ZNF382: variants seen among roughly 807,000 people sequenced by gnomAD.
ZNF382 encodes KRAB/zinc finger suppressor protein 1.
A neutral mutation model predicts 38.8 loss-of-function variants in ZNF382; 20 were observed. The ratio of observed to expected loss-of-function variants is 0.51; its 90% CI spans 0.36 to 0.75. The LOEUF (loss-of-function observed/expected upper bound fraction) is 0.75, where lower values mean the gene tolerates loss of function less well. ZNF382 is among the 30% of genes least tolerant of loss of function. The probability of loss-of-function intolerance (pLI) is 0.00; values close to 1 mark genes in which losing one functional copy is unlikely to be tolerated. For missense variants in ZNF382, 546 were observed against 654.1 expected (o/e 0.83, Z 1.80); for synonymous variants, 202 against 223.1 (o/e 0.91, Z 0.84).
At chr19:36,618,162 C>T (rs1381013269) in intron 4 of ZNF382, among the ~76,000 whole-genome samples, 3 of 152,118 alleles carry the variant, frequency 2.0e-5, no homozygotes, top group Non-Finnish European at 4.4e-5. Flanking sequence ...AAGGGACTGC[C>T]CCATATTGGT....
Position 36,626,989 on chromosome 19 carries a change from G to A in ZNF382, c.1092G>A (p.Lys364=), listed in dbSNP as rs781469678. 6.2e-7 allele frequency: 1 copy of A among 1,614,148 alleles called. No homozygotes were observed. The change falls in exon 5 of 5, where the codon AAG becomes AAA. Residue 364 remains lysine (K), a synonymous_variant. Transcript: ENST00000292928. ...ATTGTGGGAAGTCCTTCCGCCAGAAGGCCACCCTCACTAGACATCACAAAA... is the reference window on the plus strand; with the variant it reads ...ATTGTGGGAAGTCCTTCCGCCAGAAAGCCACCCTCACTAGACATCACAAAA... ...CIDCGKSFRQ[K]ATLTRHHKTH...
Position 36,626,721 on chromosome 19 carries a change from A to G in ZNF382, c.824A>G (p.Lys275Arg), listed in dbSNP as rs868861423. The change falls in exon 5 of 5, where the codon AAA becomes AGA. Residue 275 changes from lysine (K) to arginine (R), a missense_variant. By Grantham distance (26) the Lys-to-Arg change is conservative. Coordinates refer to ENST00000292928, the MANE Select transcript of ZNF382 (RefSeq NM_032825.5). ...CCCTCTGCCTACAACAAATATGGGA[A>G]ATTCCTCTGCAGAAAGCCTGTTTTT... ...KKPSAYNKYG[K>R]FLCRKPVFIM... The G allele has an allele frequency of 1.2e-6, 2 of 1,614,122 alleles. No homozygotes were observed. The highest frequency in any genetic ancestry group is 1.3e-5 in the African/African-American group (1 of 75,052).
At chr19:36,610,088 A>C in intron 3 of ZNF382, 35 bp downstream of exon 3, 1 of 1,605,872 alleles carries the variant, frequency 6.2e-7, no homozygotes, top group Non-Finnish European at 8.5e-7. Flanking sequence ...ACTGTCATGC[A>C]TCTCCTTCTA....
At chr19:36,609,713 G>A (rs2037061858) in intron 2 of ZNF382, 189 bp from the exon 3 acceptor site, 1 of 517,412 alleles carries the variant, frequency 1.9e-6, no homozygotes, top group South Asian at 3.8e-5. Context: ...CAGGCAACCA[G>A]TCACATTCAG....
chr19:36,626,105 C>A, intron 4 of ZNF382, 25 bp from the exon 5 acceptor site: 1 of 1,480,454 alleles, frequency 6.8e-7, no homozygotes, highest in Non-Finnish European at 9.0e-7. Flanking sequence ...TGAAGACTCA[C>A]AGTGTTAATG....
chr19:36,610,116 T>C (rs1343285943), intron 3 of ZNF382, 63 bp downstream of exon 3: 5 of 1,577,028 alleles, frequency 3.2e-6, no homozygotes, highest in African/African-American at 2.7e-5. Flanking sequence ...CTGAAACATA[T>C]AGGACTTTGA....
chr19:36,627,442 A>C lies in ZNF382; in HGVS notation c.1545A>C (p.Thr515=), dbSNP rs1185175528. 1 of 1,614,192 alleles carries C rather than the reference A, an allele frequency of 6.2e-7. No individual in the cohort carries two copies. Among genetic ancestry groups the C allele is most frequent in the Non-Finnish European group, 8.5e-7 (1 of 1,180,018 alleles). Residue 515 remains threonine (T), a synonymous_variant, in exon 5 of 5, where the codon ACA becomes ACC. Coordinates refer to ENST00000292928, the MANE Select transcript of ZNF382 (RefSeq NM_032825.5). ...TCATTCGCCATCAGAAAACTCACAC[A>C]GGCGAGAAACCATATGAATGTAAAC... ...SNLIRHQKTH[T]GEKPYECKQC...
Position 36,627,354 on chromosome 19 carries a change from A to G in ZNF382, c.1457A>G (p.His486Arg). ...KAILTVHHRI[H>R]TGEKSNGCPQ... ...ATCCTCACTGTTCATCACAGAATAC[A>G]TACAGGAGAAAAATCCAATGGGTGT... Residue 486 changes from histidine (H) to arginine (R), a missense_variant, in exon 5 of 5, where the codon CAT (histidine) becomes CGT (arginine). Transcript: ENST00000292928. 1 of 1,614,224 alleles carries G rather than the reference A, an allele frequency of 6.2e-7. No homozygotes were observed. Among genetic ancestry groups the G allele is most frequent in the Non-Finnish European group, 8.5e-7 (1 of 1,180,034 alleles).
intron 4 of ZNF382, among the ~76,000 whole-genome samples, chr19:36,624,870 G>A (rs2037197250): frequency 6.6e-6 from 1 of 150,728 alleles, no homozygotes; most frequent in Non-Finnish European, 1.5e-5. Context: ...TTCGCGACCA[G>A]CCTGGGCAAC....
intron 4 of ZNF382, among the ~76,000 whole-genome samples, chr19:36,620,683 T>G (rs2037161975): frequency 6.6e-6 from 1 of 152,220 alleles, no homozygotes; most frequent in Admixed American, 6.5e-5. Context: ...AATTGTCCTA[T>G]CCTTTTTGGT....
At chr19:36,621,429 T>G (rs905742207) in intron 4 of ZNF382, among the ~76,000 whole-genome samples, 3 of 150,842 alleles carry the variant, frequency 2.0e-5, no homozygotes, top group Non-Finnish European at 4.4e-5. Flanking sequence ...GGTGACAGGA[T>G]CATACCCGAT....
chr19:36,614,914 C>CTTTCCTTTCCTTTCCTTCCCTTCCCT (rs752527955), intron 4 of ZNF382, among the ~76,000 whole-genome samples: 1 of 90,788 alleles, frequency 1.1e-5, no homozygotes, highest in African/African-American at 4.7e-5. Flanking sequence ...CTTTCCTTTC[C>CTTTCCTTTCCTTTCCTTCCCTTCCCT]TTCCCTTTCC....
chr19:36,614,914 C>CTTTCCTTTCCTTCCCTTTCCGTTTCCCT (rs752527955), intron 4 of ZNF382, among the ~76,000 whole-genome samples: 1 of 90,786 alleles, frequency 1.1e-5, no homozygotes, highest in Non-Finnish European at 2.2e-5. Flanking sequence ...CTTTCCTTTC[C>CTTTCCTTTCCTTCCCTTTCCGTTTCCCT]TTCCCTTTCC....
At position 36,610,036 on chromosome 19, in the gene ZNF382, G is replaced by A; in HGVS notation, c.122G>A (p.Cys41Tyr). Residue 41 changes from cysteine (C) to tyrosine (Y), a missense_variant, in exon 3 of 5, where the codon TGC (cysteine) becomes TAC (tyrosine). Coordinates refer to ENST00000292928, the MANE Select transcript of ZNF382 (RefSeq NM_032825.5). ...AGGGATGTGATGTTGGAAAACTATT[G>A]CCACTTCGTATCTGTGGGTAAGAAA... ...LYRDVMLENY[C>Y]HFVSVGFHMA... 6.2e-7 allele frequency: 1 copy of A among 1,613,464 alleles called. No homozygotes were observed. Among genetic ancestry groups the A allele is most frequent in the Non-Finnish European group, 8.5e-7 (1 of 1,179,832 alleles).
rs2037250850 is a variant in ZNF382 at position 36,631,026 on chromosome 19, C to T, written c.*3476C>T. The T allele has an allele frequency of 6.6e-6, 1 of 152,118 alleles. No individual in the cohort carries two copies. The highest frequency in any genetic ancestry group is 2.1e-4 in the South Asian group (1 of 4,824). The allele number at this position is 152,118 out of a possible 1,614,324, so 9.4% of individuals were successfully genotyped here. A position where few individuals can be genotyped will look rare whatever the true frequency, so the allele number is the denominator to read the frequency against. Reference sequence around the variant, plus strand: ...TATTGAACTCCTGGCCTCAAGCAATCTTCCCTCTTCGGCCTCCTAAAATGC... The same window carrying T: ...TATTGAACTCCTGGCCTCAAGCAATTTTCCCTCTTCGGCCTCCTAAAATGC... On this transcript the variant is annotated 3_prime_UTR_variant, in exon 5 of 5. Coordinates refer to ENST00000292928, the MANE Select transcript of ZNF382 (RefSeq NM_032825.5).
intron 4 of ZNF382, among the ~76,000 whole-genome samples, chr19:36,625,874 A>G (rs978388828): frequency 1.3e-5 from 2 of 152,064 alleles, no homozygotes; most frequent in African/African-American, 2.4e-5. Flanking sequence ...TGTGTTTCCT[A>G]TACCTTCTCA....
intron 1 of ZNF382, chr19:36,605,664 T>C (rs2967429): frequency 0.86 from 131,173 of 152,154 alleles, 57,302 homozygotes; most frequent in Non-Finnish European, 0.9. Context: ...GCGGGCGCTG[T>C]GTGTTCGCGC....
At chr19:36,606,314 T>A (rs964349599) in intron 1 of ZNF382, among the ~76,000 whole-genome samples, 5,742 of 27,676 alleles carry the variant, frequency 0.21, 364 homozygotes, top group African/African-American at 0.42. Flanking sequence ...GCAGGAAATT[T>A]TTTTTTTTTT....
At chr19:36,614,536 C>G (rs754068748) in intron 4 of ZNF382, among the ~76,000 whole-genome samples, 10 of 152,202 alleles carry the variant, frequency 6.6e-5, no homozygotes, top group Non-Finnish European at 1.3e-4. Context: ...GTTAGCTTCT[C>G]TAATTCCTGA....
Sources: allele counts gnomAD v4.1 joint callset (sites outside exome capture counted in the v4.1 genomes callset), GRCh38; gene constraint gnomAD v4.1.1; transcripts MANE v1.5; gene names NCBI Gene and HGNC (gene_info 2026-07-23, HGNC 2026-07-21).